The following ATP8B4 variants were observed in gnomAD, a reference collection of about 807,000 sequenced individuals.
ATP8B4 encodes the protein probable phospholipid-transporting ATPase IM.
ATP8B4 carries 133 observed loss-of-function variants against 145.6 expected under a neutral mutation model. That is an observed-to-expected ratio of 0.91 (90% CI 0.79 to 1.05). The LOEUF (loss-of-function observed/expected upper bound fraction) is 1.05, where lower values mean the gene tolerates loss of function less well. ATP8B4 is among the 50% of genes least tolerant of loss of function. The probability of loss-of-function intolerance (pLI) is 0.00; values close to 1 mark genes in which losing one functional copy is unlikely to be tolerated. For missense variants in ATP8B4, 1,458 were observed against 1,425.2 expected (o/e 1.02, Z -0.37); for synonymous variants, 507 against 492.9 (o/e 1.03, Z -0.38).
rs893664967 is a variant in ATP8B4 at position 50,176,074 on chromosome 15, T to C, written c.-43+6187A>G. 1.3e-4 allele frequency among the ~76,000 whole-genome samples: 19 copies of C among 151,688 alleles called. No homozygotes were observed. In the East Asian group the frequency reaches 1.7e-3, roughly 14 times the overall value. ...ATATATACCGCAGAGTATATATATA[T>C]ATATACCACAGAGTATATATATAGT... On this transcript the variant is annotated intron_variant, in intron 1 of 3. Coordinates refer to the ATP8B4 transcript ENST00000558829.
At chr15:50,161,435 C>G (rs117732440) in intron 1 of ATP8B4, among the ~76,000 whole-genome samples, 9 of 151,650 alleles carry the variant, frequency 5.9e-5, no homozygotes, top group Non-Finnish European at 1.3e-4. Context: ...TTGTGATCTT[C>G]TCTTCTTCCT....
At chr15:49,927,410 T>C (rs192588538) in intron 16 of ATP8B4, among the ~76,000 whole-genome samples, 1 of 152,242 alleles carries the variant, frequency 6.6e-6, no homozygotes, top group East Asian at 1.9e-4. Context: ...CCAACCCATG[T>C]GACGATCATG....
rs760308939 is a variant in ATP8B4 at position 49,923,387 on chromosome 15, G to T, written c.1750C>A (p.His584Asn). The change falls in exon 17 of 28, where the codon CAC becomes AAC. Residue 584 changes from histidine (H) to asparagine (N), a missense_variant. His to Asn is a moderately conservative substitution (Grantham distance 68, BLOSUM62 1). Coordinates refer to ENST00000284509, the MANE Select transcript of ATP8B4 (RefSeq NM_024837.4). Reference protein sequence around the residue: ...NEVLLSLTSDHLSEFAGEGLR... With the variant: ...NEVLLSLTSDNLSEFAGEGLR... ...AAGACGGAGGCACTTACACTGAGGT[G>T]GTCTGACGTCAAAGACAAAAGGACT... 1 of 1,606,576 alleles carries T rather than the reference G, an allele frequency of 6.2e-7. No homozygotes were observed. The highest frequency in any genetic ancestry group is 1.1e-5 in the South Asian group (1 of 90,850).
chr15:49,914,851 T>C (rs1212891818), intron 20 of ATP8B4, among the ~76,000 whole-genome samples: 1 of 152,138 alleles, frequency 6.6e-6, no homozygotes, highest in Non-Finnish European at 1.5e-5. Context: ...TATTACACTT[T>C]GTTGGTGAGA....
chr15:50,029,331 G>T (rs900809531), intron 6 of ATP8B4, among the ~76,000 whole-genome samples: 1 of 151,598 alleles, frequency 6.6e-6, no homozygotes, highest in African/African-American at 2.4e-5. Context: ...TGTTAGCAAG[G>T]CTGTAAACCC....
intron 2 of ATP8B4, among the ~76,000 whole-genome samples, chr15:50,097,763 T>A (rs1399140351): frequency 6.6e-6 from 1 of 152,204 alleles, no homozygotes; most frequent in Non-Finnish European, 1.5e-5. Flanking sequence ...GACAACACTA[T>A]TTTTGTAAAA....
At chr15:49,885,734 CCACCCCAGCATCCA>C (rs146551837) in intron 23 of ATP8B4, 66,415 of 151,932 alleles carry the variant, frequency 0.44, 15,321 homozygotes, top group South Asian at 0.52. Context: ...ACCATCACAT[CCACCCCAGCATCCA>C]AATCAGAAAT....
chr15:49,861,476 A>AT (rs2031789389), intron 27 of ATP8B4, among the ~76,000 whole-genome samples: 247 of 138,718 alleles, frequency 1.8e-3, no homozygotes, highest in African/African-American at 5.4e-3. Flanking sequence ...CTATCTATCT[A>AT]CCTACCTACC....
intron 20 of ATP8B4, among the ~76,000 whole-genome samples, chr15:49,905,062 C>G (rs2038451898): frequency 6.6e-6 from 1 of 152,124 alleles, no homozygotes; most frequent in South Asian, 2.1e-4. Flanking sequence ...TTCTGAGAAA[C>G]CATAGCAGGG....
chr15:50,008,415 C>A (rs7166848), intron 7 of ATP8B4, among the ~76,000 whole-genome samples: 2 of 152,044 alleles, frequency 1.3e-5, no homozygotes, highest in African/African-American at 4.8e-5. Context: ...GCATTCTCAC[C>A]CCATCATGGG....
chr15:50,110,468 C>T (rs1252093337), intron 1 of ATP8B4, among the ~76,000 whole-genome samples: 1 of 152,174 alleles, frequency 6.6e-6, no homozygotes. Flanking sequence ...AAGAAAAAGT[C>T]ATCTTTCATT....
intron 1 of ATP8B4, among the ~76,000 whole-genome samples, chr15:50,180,725 T>C (rs1324931627): frequency 6.6e-6 from 1 of 152,130 alleles, no homozygotes; most frequent in Non-Finnish European, 1.5e-5. Flanking sequence ...TACTGCTTTC[T>C]CCTCAGGGAT....
chr15:50,138,314 ATAGATAGATAGG>A (rs1298878663), intron 1 of ATP8B4, among the ~76,000 whole-genome samples: 170 of 131,804 alleles, frequency 1.3e-3, no homozygotes, highest in Non-Finnish European at 2.3e-3. Flanking sequence ...ACATATATAG[ATAGATAGATAGG>A]TAGATAGATA....
Position 49,866,446 on chromosome 15 carries a change from G to A in ATP8B4, c.3066C>T (p.His1022=), listed in dbSNP as rs150458103. 115 of 1,613,478 alleles carry A rather than the reference G, an allele frequency of 7.1e-5. No individual in the cohort carries two copies. Among genetic ancestry groups the A allele is most frequent in the African/African-American group, 4.1e-4 (31 of 74,928 alleles). ...TGGCAATGCTCCCCCAGATGAAGAC[G>A]TGATTAATGAAAGTCCAGTAACTGG... ...LDTSYWTFIN[H]VFIWGSIAIY... Residue 1022 remains histidine (H), a synonymous_variant, in exon 26 of 28, where the codon CAC becomes CAT. Coordinates refer to ENST00000284509, the MANE Select transcript of ATP8B4 (RefSeq NM_024837.4).
At chr15:50,022,639 G>A (rs1053692117) in intron 6 of ATP8B4, among the ~76,000 whole-genome samples, 2 of 152,148 alleles carry the variant, frequency 1.3e-5, no homozygotes, top group East Asian at 1.9e-4. Context: ...CAGGAACTGC[G>A]ACACGCTCCC....
intron 25 of ATP8B4, among the ~76,000 whole-genome samples, chr15:49,869,514 G>GA (rs1341168306): frequency 6.6e-6 from 1 of 151,954 alleles, no homozygotes; most frequent in Non-Finnish European, 1.5e-5. Context: ...CTTTTATTAT[G>GA]AAAAAAGATA....
chr15:49,924,291 C>A (rs905392169), intron 16 of ATP8B4, among the ~76,000 whole-genome samples: 9 of 152,108 alleles, frequency 5.9e-5, no homozygotes, highest in Admixed American at 4.6e-4. Flanking sequence ...TACAGCTTGA[C>A]ACATAGTAGG....
chr15:50,113,700 G>A (rs777175647), intron 1 of ATP8B4, among the ~76,000 whole-genome samples: 15 of 151,898 alleles, frequency 9.9e-5, no homozygotes, highest in South Asian at 2.1e-4. Context: ...TTAGCTGGGC[G>A]TGGTGGCACA....
chr15:49,875,468 C>T (rs988545211), intron 25 of ATP8B4, among the ~76,000 whole-genome samples: 7 of 152,150 alleles, frequency 4.6e-5, no homozygotes, highest in African/African-American at 7.2e-5. Flanking sequence ...GCTCAGTAAT[C>T]AAAAGACAAC....
Sources: gnomAD v4.1 joint callset for allele counts (sites outside exome capture counted in the v4.1 genomes callset) on GRCh38, gnomAD v4.1.1 for gene constraint, MANE v1.5 for transcripts, NCBI Gene and HGNC (gene_info 2026-07-23, HGNC 2026-07-21) for gene names.